GPC6: variants seen among roughly 807,000 people sequenced by gnomAD.
GPC6 encodes glypican 6, also known as glypican-6.
A neutral mutation model predicts 55.2 loss-of-function variants in GPC6; 14 were observed. The ratio of observed to expected loss-of-function variants is 0.25; its 90% CI spans 0.17 to 0.40. The LOEUF (loss-of-function observed/expected upper bound fraction) is 0.40, where lower values mean the gene tolerates loss of function less well. GPC6 is among the 10% of genes least tolerant of loss of function. The pLI, the probability that GPC6 is intolerant of heterozygous loss-of-function variation, is 1.00. For missense variants in GPC6, 641 were observed against 708.5 expected, an observed-to-expected ratio of 0.90 and a Z score of 1.08; for synonymous variants, 278 against 259.6, an observed-to-expected ratio of 1.07 and a Z score of -0.68.
chr13:94,143,878 G>C (rs922443032), intron 4 of GPC6, among the ~76,000 whole-genome samples: 1 of 152,088 alleles, frequency 6.6e-6, no homozygotes, highest in Non-Finnish European at 1.5e-5. Flanking sequence ...GTGACAGTGA[G>C]ATCTTCTCAA....
At chr13:93,997,060 AG>A (rs1173256334) in intron 3 of GPC6, among the ~76,000 whole-genome samples, 1 of 152,194 alleles carries the variant, frequency 6.6e-6, no homozygotes, top group African/African-American at 2.4e-5. Context: ...ATCAAGGTCA[AG>A]TAGCTTCATA....
intron 2 of GPC6, among the ~76,000 whole-genome samples, chr13:93,638,707 A>G (rs1391588414): frequency 6.6e-6 from 1 of 152,156 alleles, no homozygotes; most frequent in Non-Finnish European, 1.5e-5. Flanking sequence ...TAAAGATGAC[A>G]ACAACATTAT....
intron 3 of GPC6, among the ~76,000 whole-genome samples, chr13:93,964,289 G>A (rs769110385): frequency 1.3e-5 from 2 of 152,104 alleles, no homozygotes; most frequent in Non-Finnish European, 2.9e-5. Flanking sequence ...CTTGACTAAC[G>A]TGGTGGTACT....
intron 3 of GPC6, among the ~76,000 whole-genome samples, chr13:93,845,936 A>C (rs182671705): frequency 2.0e-5 from 3 of 151,886 alleles, no homozygotes; most frequent in African/African-American, 7.2e-5. Flanking sequence ...ATACATATGC[A>C]ACTAACCTGC....
chr13:93,563,749 G>C (rs1257522388), intron 2 of GPC6, among the ~76,000 whole-genome samples: 1 of 147,876 alleles, frequency 6.8e-6, no homozygotes, highest in African/African-American at 2.5e-5. Context: ...ATGGGAGTCT[G>C]AGAATGAAAG....
Position 93,580,448 on chromosome 13 carries a change from G to A in GPC6, c.319+35027G>A, listed in dbSNP as rs373435022. The stretch of plus-strand genomic sequence containing the variant: ...CTGAAGGAGCACATGCAGTCACCCC[G>A]AAGACTACATTATACACATAGCAGG... On this transcript the variant is annotated intron_variant, in intron 2 of 8. Transcript: ENST00000377047. 2.6e-5 allele frequency among the ~76,000 whole-genome samples: 4 copies of A among 152,244 alleles called. No individual in the cohort carries two copies. The East Asian group carries it at 7.7e-4, about 29-fold the overall frequency.
intron 2 of GPC6, among the ~76,000 whole-genome samples, chr13:93,683,185 TAAA>T (rs1372894768): frequency 2.0e-5 from 3 of 152,026 alleles, no homozygotes; most frequent in Non-Finnish European, 2.9e-5. Flanking sequence ...ACTGAAAAAA[TAAA>T]AAAGATATTT....
At chr13:93,653,162 C>T (rs182815084) in intron 2 of GPC6, among the ~76,000 whole-genome samples, 11 of 152,232 alleles carry the variant, frequency 7.2e-5, no homozygotes, top group East Asian at 1.9e-4. Flanking sequence ...CAGTGGTTTG[C>T]GCACCTCAGT....
chr13:93,672,145 T>TG (rs1431957884), intron 2 of GPC6, among the ~76,000 whole-genome samples: 4 of 91,696 alleles, frequency 4.4e-5, no homozygotes, highest in African/African-American at 3.2e-5. Flanking sequence ...AATTAAGTTC[T>TG]GGGTTTTTTT....
At chr13:93,785,194 A>C (rs1169123421) in intron 2 of GPC6, among the ~76,000 whole-genome samples, 7 of 152,126 alleles carry the variant, frequency 4.6e-5, no homozygotes, top group Non-Finnish European at 8.8e-5. Context: ...AGAAAACTAG[A>C]AAAAAGGGAA....
At chr13:93,431,763 T>G (rs74108529) in intron 1 of GPC6, among the ~76,000 whole-genome samples, 4,005 of 152,250 alleles carry the variant, frequency 0.026, 189 homozygotes, top group African/African-American at 0.092. Flanking sequence ...CAGAAAAAGA[T>G]GGACAACGTT....
At chr13:93,686,509 T>C (rs1274357966) in intron 2 of GPC6, among the ~76,000 whole-genome samples, 1 of 152,158 alleles carries the variant, frequency 6.6e-6, no homozygotes, top group African/African-American at 2.4e-5. Flanking sequence ...AACAGTCTCA[T>C]GGGACTAAAA....
intron 2 of GPC6, among the ~76,000 whole-genome samples, chr13:93,608,003 C>G (rs940161073): frequency 1.3e-5 from 2 of 149,734 alleles, no homozygotes; most frequent in Non-Finnish European, 3.0e-5. Context: ...ATATTCTTTT[C>G]TCTCTTTGGA....
At chr13:93,590,866 C>T (rs1392074795) in intron 2 of GPC6, among the ~76,000 whole-genome samples, 4 of 152,068 alleles carry the variant, frequency 2.6e-5, no homozygotes, top group Non-Finnish European at 5.9e-5. Context: ...CTTACATGAC[C>T]GACAGTTACT....
At chr13:93,782,439 A>G (rs1885681783) in intron 2 of GPC6, among the ~76,000 whole-genome samples, 1 of 151,998 alleles carries the variant, frequency 6.6e-6, no homozygotes, top group East Asian at 1.9e-4. Flanking sequence ...TTTTCTTTGG[A>G]TATTTATCCA....
intron 4 of GPC6, among the ~76,000 whole-genome samples, chr13:94,184,184 A>C (rs1257543650): frequency 1.3e-5 from 2 of 152,128 alleles, no homozygotes; most frequent in African/African-American, 4.8e-5. Flanking sequence ...GTAGAAGAAA[A>C]CCTAGGAAAT....
At chr13:93,802,757 G>C (rs1886417853) in intron 2 of GPC6, among the ~76,000 whole-genome samples, 1 of 152,016 alleles carries the variant, frequency 6.6e-6, no homozygotes, top group Admixed American at 6.6e-5. Flanking sequence ...TATGTCTCTT[G>C]GACAGAGTTC....
chr13:93,446,404 T>G (rs1204933812), intron 1 of GPC6, among the ~76,000 whole-genome samples: 1 of 145,602 alleles, frequency 6.9e-6, no homozygotes, highest in Non-Finnish European at 1.6e-5. Flanking sequence ...CATTCAGAAA[T>G]ACTGCAATCA....
chr13:93,470,508 G>A (rs896364190), intron 1 of GPC6, among the ~76,000 whole-genome samples: 53 of 152,114 alleles, frequency 3.5e-4, no homozygotes, highest in African/African-American at 1.1e-3. Context: ...TATATTGTTG[G>A]ATTCGATTTG....
Sources: gnomAD v4.1 joint callset for allele counts (sites outside exome capture counted in the v4.1 genomes callset) on GRCh38, gnomAD v4.1.1 for gene constraint, MANE v1.5 for transcripts, NCBI Gene and HGNC (gene_info 2026-07-23, HGNC 2026-07-21) for gene names.